The following SRCIN1 variants were observed in gnomAD, a reference collection of about 807,000 sequenced individuals.
SRCIN1 encodes the protein P130Cas-associated protein.
Under a neutral mutation model 116.2 loss-of-function variants are expected in SRCIN1, and 50 were observed. The ratio of observed to expected loss-of-function variants is 0.43; its 90% CI spans 0.34 to 0.54. The LOEUF is 0.54. Among genes scored for constraint, SRCIN1 ranks in the 20% least tolerant of loss-of-function variants. The probability of loss-of-function intolerance (pLI) is 0.02; values close to 1 mark genes in which losing one functional copy is unlikely to be tolerated. For missense variants in SRCIN1, 1,446 were observed against 1,672.0 expected (o/e 0.86, Z 2.36); for synonymous variants, 736 against 750.0 (o/e 0.98, Z 0.30).
intron 3 of SRCIN1, among the ~76,000 whole-genome samples, chr17:38,564,939 C>T (rs1262285498): frequency 1.3e-5 from 2 of 152,170 alleles, no homozygotes; most frequent in African/African-American, 4.8e-5. Flanking sequence ...AGACGACCTG[C>T]CCAGTGCCCA....
chr17:38,562,201 TGCAGCCCGGACG>T lies in SRCIN1; in HGVS notation c.950_961del (p.Pro317_Leu320del), dbSNP rs1906312702. The T allele has an allele frequency of 4.2e-6, 6 of 1,421,542 alleles. No homozygotes were observed. The highest frequency in any genetic ancestry group is 3.0e-5 in the East Asian group (1 of 33,120). The allele number at this position is 1,421,542 out of a possible 1,614,324, so 88.1% of individuals were successfully genotyped here. On this transcript the variant is annotated inframe_deletion, in exon 7 of 19. Transcript: ENST00000617146. This position sits in a 1 kb window ranked among gnomAD's most constrained non-coding sequence, Gnocchi z 4.2. ...GCGCGAACGCGACGGCGAACCGGAC[TGCAGCCCGGACG>T]GCAGCCCCGACGGCAGCCCGGGCGG...
intron 11 of SRCIN1, among the ~76,000 whole-genome samples, chr17:38,556,892 A>T (rs1156550814): frequency 3.3e-5 from 5 of 151,952 alleles, no homozygotes; most frequent in Non-Finnish European, 5.9e-5. Flanking sequence ...ATCTCCTTTA[A>T]TTTTCCTTTA....
At chr17:38,545,156 G>A (rs1905001925) in intron 17 of SRCIN1, 1 of 152,854 alleles carries the variant, frequency 6.5e-6, no homozygotes, top group South Asian at 2.1e-4. Context: ...GGTCCCTGAG[G>A]ACACTGTACT....
At chr17:38,547,588 T>G (rs1164884764) in intron 17 of SRCIN1, among the ~76,000 whole-genome samples, 1 of 151,710 alleles carries the variant, frequency 6.6e-6, no homozygotes, top group Non-Finnish European at 1.5e-5. Flanking sequence ...CGCCTGTCCT[T>G]GGAGTGGGGG....
intron 18 of SRCIN1, among the ~76,000 whole-genome samples, chr17:38,540,772 T>TGTGTGAGA (rs60254439): frequency 0.022 from 3,337 of 149,272 alleles, 124 homozygotes; most frequent in African/African-American, 0.077. Flanking sequence ...TGTGTGTGTG[T>TGTGTGAGA]GACACACACA....
intron 1 of SRCIN1, among the ~76,000 whole-genome samples, chr17:38,594,169 G>A (rs1178217265): frequency 2.0e-5 from 3 of 152,192 alleles, no homozygotes; most frequent in African/African-American, 7.2e-5. Flanking sequence ...GCAGGGAAGC[G>A]GGGGTAACTC....
chr17:38,559,434 G>C, intron 10 of SRCIN1, 151 bp downstream of exon 10: 1 of 759,856 alleles, frequency 1.3e-6, no homozygotes, highest in Non-Finnish European at 2.1e-6. Flanking sequence ...GGGGAGAAAG[G>C]GTTCGGAGAG....
In SRCIN1 at chr17:38,605,646, A is replaced by T. The variant is rs761817599; in HGVS notation, c.22+38T>A. 4.9e-5 allele frequency: 62 copies of T among 1,274,428 alleles called. 1 individual carries two copies. The South Asian group carries it at 8.6e-4, about 18-fold the overall frequency. The allele number at this position is 1,274,428 out of a possible 1,614,324, so 78.9% of individuals were successfully genotyped here. On this transcript the variant is annotated intron_variant, in intron 1 of 18. Coordinates refer to ENST00000617146, the MANE Select transcript of SRCIN1 (RefSeq NM_025248.3). ...AAACAGAAATACCTTCCACTTAAGC[A>T]TGGAGGCACATTAGGGAGGAGAGAG...
intron 1 of SRCIN1, among the ~76,000 whole-genome samples, chr17:38,598,793 C>T (rs563283076): frequency 1.4e-4 from 22 of 152,120 alleles, no homozygotes; most frequent in Non-Finnish European, 2.6e-4. Flanking sequence ...GGAGAAAACC[C>T]GAATTGGATT....
At chr17:38,603,621 G>C (rs1388345081) in intron 1 of SRCIN1, among the ~76,000 whole-genome samples, 1 of 152,116 alleles carries the variant, frequency 6.6e-6, no homozygotes, top group East Asian at 1.9e-4. Flanking sequence ...AATTGTTGTG[G>C]GGGGACTGGA....
intron 18 of SRCIN1, among the ~76,000 whole-genome samples, chr17:38,540,678 C>T (rs1299745584): frequency 2.6e-5 from 4 of 151,968 alleles, no homozygotes; most frequent in Non-Finnish European, 5.9e-5. Context: ...CCCTGGGCCG[C>T]ACATGAAGGA....
rs191910661 is a variant in SRCIN1 at position 38,543,883 on chromosome 17, G to A, written c.3357C>T (p.Pro1119=). The A allele has an allele frequency of 2.6e-5, 42 of 1,607,446 alleles. No individual in the cohort carries two copies. Among genetic ancestry groups the A allele is most frequent in the Non-Finnish European group, 3.5e-5 (41 of 1,179,722 alleles). The change falls in exon 18 of 19, where the codon CCC becomes CCT. Residue 1119 remains proline (P), a synonymous_variant. Transcript: ENST00000617146. ...TCTGCTTGCCATGTTTGCTTTTGTCGGGGCTGCCCGCCTGGCCCTGGGCCG... is the reference window on the plus strand; with the variant it reads ...TCTGCTTGCCATGTTTGCTTTTGTCAGGGCTGCCCGCCTGGCCCTGGGCCG... ...LKAAQGQAGS[P]DKSKHGKQRA...
In SRCIN1 at chr17:38,605,778, T is replaced by G; in HGVS notation, c.-73A>C. On this transcript the variant is annotated 5_prime_UTR_variant, in exon 1 of 19. Coordinates refer to ENST00000617146, the MANE Select transcript of SRCIN1 (RefSeq NM_025248.3). ...CTCGCCCTCTCGCCGCCTCGCGGGC[T>G]CCTCGCTCGGCCCCAGCCCCGGGGC... is the stretch of plus-strand genomic sequence containing the variant. The G allele has an allele frequency of 1.5e-6, 1 of 680,130 alleles. No individual in the cohort carries two copies. Among genetic ancestry groups the G allele is most frequent in the Non-Finnish European group, 1.8e-6 (1 of 542,272 alleles). 42.1% of individuals were successfully genotyped at this position (680,130 alleles called of 1,614,324 possible). A position where few individuals can be genotyped will look rare whatever the true frequency, so the allele number is the denominator to read the frequency against.
intron 1 of SRCIN1, among the ~76,000 whole-genome samples, chr17:38,593,133 G>C (rs1908528817): frequency 6.6e-6 from 1 of 152,196 alleles, no homozygotes; most frequent in South Asian, 2.1e-4. Flanking sequence ...TGCTCTGGGA[G>C]ATCGGAGGGG....
In SRCIN1 at chr17:38,558,423, T is replaced by C. The variant is rs746697541; in HGVS notation, c.2026-21A>G. ...TGTAGCTGCGGGACGCACGGACGGATGGACCCGGGTGGGGGGAGCGGAGCC... is the reference window on the plus strand; with the variant it reads ...TGTAGCTGCGGGACGCACGGACGGACGGACCCGGGTGGGGGGAGCGGAGCC... On this transcript the variant is annotated intron_variant, in intron 10 of 18. Transcript: ENST00000617146. This position sits in a 1 kb window ranked among gnomAD's most constrained non-coding sequence, Gnocchi z 4.6. The C allele has an allele frequency of 1.9e-6, 3 of 1,571,486 alleles. No individual in the cohort carries two copies. The highest frequency in any genetic ancestry group is 1.1e-5 in the South Asian group (1 of 88,332).
intron 1 of SRCIN1, among the ~76,000 whole-genome samples, chr17:38,586,212 G>A (rs1908103951): frequency 6.6e-6 from 1 of 152,340 alleles, no homozygotes; most frequent in Non-Finnish European, 1.5e-5. Flanking sequence ...AGGAATGCCA[G>A]CTCCCCTCCC....
chr17:38,593,833 C>T (rs1179877737), intron 1 of SRCIN1, among the ~76,000 whole-genome samples: 1 of 152,194 alleles, frequency 6.6e-6, no homozygotes. Context: ...CCGGTGTCCA[C>T]TACCATGGTA....
At chr17:38,579,972 C>T (rs1012323510) in intron 1 of SRCIN1, among the ~76,000 whole-genome samples, 1 of 152,176 alleles carries the variant, frequency 6.6e-6, no homozygotes, top group African/African-American at 2.4e-5. Flanking sequence ...ACCCCAGCCC[C>T]ACAATCCACC....
chr17:38,576,967 G>A (rs1399533445), intron 2 of SRCIN1, among the ~76,000 whole-genome samples: 1 of 151,990 alleles, frequency 6.6e-6, no homozygotes, highest in African/African-American at 2.4e-5. Flanking sequence ...TTTTCAGTCA[G>A]CTCCCACACA....
Sources: allele counts gnomAD v4.1 joint callset (sites outside exome capture counted in the v4.1 genomes callset), GRCh38; gene constraint gnomAD v4.1.1; non-coding constraint Gnocchi (gnomAD v3.1); transcripts MANE v1.5; gene names NCBI Gene and HGNC (gene_info 2026-07-23, HGNC 2026-07-21).